The following ATRNL1 variants were observed in gnomAD, a reference collection of about 807,000 sequenced individuals.
ATRNL1 encodes attractin-like protein 1.
Under a neutral mutation model 182.7 loss-of-function variants are expected in ATRNL1, and 95 were observed. The observed-to-expected ratio is 0.52, with a 90% CI of 0.44 to 0.62. The LOEUF (loss-of-function observed/expected upper bound fraction) is 0.62, where lower values mean the gene tolerates loss of function less well. Ranked by LOEUF, ATRNL1 falls within the 20% of genes least tolerant of loss-of-function variation. ATRNL1 has a pLI of 0.00. For synonymous variants in ATRNL1, 576 were observed against 568.3 expected, an observed-to-expected ratio of 1.01 and a Z score of -0.19; for missense variants, 1,471 against 1,679.5, an observed-to-expected ratio of 0.88 and a Z score of 2.17.
rs148863242 is a variant in ATRNL1 at position 115,332,943 on chromosome 10, C to A, written c.3038-1339C>A. ...ATCTTAGAATCAGTCCTGAACACAG[C>A]AACTTCCACATAGCATTGTTTTGAA... is the stretch of plus-strand genomic sequence containing the variant. On this transcript the variant is annotated intron_variant, in intron 18 of 28. Coordinates refer to ENST00000355044, the MANE Select transcript of ATRNL1 (RefSeq NM_207303.4). Among the ~76,000 whole-genome samples the A allele has an allele frequency of 1.3e-3, 196 of 152,270 alleles. 1 individual carries two copies. Among genetic ancestry groups the A allele is most frequent in the African/African-American group, 4.5e-3 (189 of 41,558 alleles).
intron 26 of ATRNL1, among the ~76,000 whole-genome samples, chr10:115,561,690 G>GGGGTGTGTGT (rs1554999705): frequency 4.0e-5 from 2 of 50,506 alleles, no homozygotes; most frequent in Non-Finnish European, 8.8e-5. Context: ...TGTGTGTGTG[G>GGGGTGTGTGT]GTGTGTGTGT....
At chr10:115,880,242 T>C (rs1416982648) in intron 28 of ATRNL1, among the ~76,000 whole-genome samples, 2 of 152,118 alleles carry the variant, frequency 1.3e-5, no homozygotes, top group Non-Finnish European at 2.9e-5. Context: ...TCTGAGACAG[T>C]GGGGTCAACC....
intron 27 of ATRNL1, among the ~76,000 whole-genome samples, chr10:115,760,670 C>T (rs1306594871): frequency 6.6e-6 from 1 of 152,074 alleles, no homozygotes; most frequent in Non-Finnish European, 1.5e-5. Context: ...TTCTTATTAG[C>T]TATGAATAAA....
rs1271334517 is a variant in ATRNL1 at position 115,832,847 on chromosome 10, A to G, written c.3904-15030A>G. ...ACCTTTTATCTGATACTCACACCTGAATCCCCTGCCCCAGCTCTGACAAGA... is the reference window on the plus strand; with the variant it reads ...ACCTTTTATCTGATACTCACACCTGGATCCCCTGCCCCAGCTCTGACAAGA... On this transcript the variant is annotated intron_variant, in intron 27 of 28. Transcript: ENST00000355044. 2.6e-5 allele frequency among the ~76,000 whole-genome samples: 4 copies of G among 152,164 alleles called. No individual in the cohort carries two copies. The East Asian group carries it at 7.7e-4, about 29-fold the overall frequency.
At chr10:115,631,107 C>T (rs899271544) in intron 26 of ATRNL1, among the ~76,000 whole-genome samples, 5 of 151,682 alleles carry the variant, frequency 3.3e-5, no homozygotes, top group Middle Eastern at 3.2e-3. Context: ...TCAAATGGTA[C>T]AACGTTTCAT....
At chr10:115,626,780 C>T (rs1565225529) in intron 26 of ATRNL1, among the ~76,000 whole-genome samples, 1 of 152,014 alleles carries the variant, frequency 6.6e-6, no homozygotes, top group African/African-American at 2.4e-5. Flanking sequence ...TTTTCAAACT[C>T]AAGTTATTGT....
chr10:115,783,226 C>CCACA (rs56301408), intron 27 of ATRNL1, among the ~76,000 whole-genome samples: 1 of 150,044 alleles, frequency 6.7e-6, no homozygotes, highest in African/African-American at 2.5e-5. Context: ...CTATATGATG[C>CCACA]CACACACACA....
chr10:115,795,523 C>CAGTGTGTCTTTATA (rs1949631202), intron 27 of ATRNL1, among the ~76,000 whole-genome samples: 2 of 152,240 alleles, frequency 1.3e-5, no homozygotes, highest in Non-Finnish European at 1.5e-5. Flanking sequence ...AAAGACATAC[C>CAGTGTGTCTTTATA]TGAGACTGCG....
At chr10:115,838,877 A>C (rs2134331938) in intron 27 of ATRNL1, among the ~76,000 whole-genome samples, 1 of 152,276 alleles carries the variant, frequency 6.6e-6, no homozygotes, top group Non-Finnish European at 1.5e-5. Flanking sequence ...GTAATCCAGA[A>C]TGACTTATTC....
intron 5 of ATRNL1, among the ~76,000 whole-genome samples, chr10:115,144,871 G>C (rs549131594): frequency 6.6e-5 from 10 of 151,500 alleles, no homozygotes; most frequent in African/African-American, 2.4e-4. Context: ...GTTTGATTTA[G>C]TAAAATCTTC....
rs954818690 is a variant in ATRNL1, at chr10:115,777,267, G to T, written c.3903+49912G>T. On this transcript the variant is annotated intron_variant, in intron 27 of 28. Transcript: ENST00000355044. Reference sequence around the variant, plus strand: ...TTGACACCTAGTAAACATTCAAAAAGTACAAGGATTTTAAAATTGTTACTA... The same window carrying T: ...TTGACACCTAGTAAACATTCAAAAATTACAAGGATTTTAAAATTGTTACTA... 2.0e-5 allele frequency among the ~76,000 whole-genome samples: 3 copies of T among 152,010 alleles called. No homozygotes were observed. The South Asian group carries it at 6.2e-4, about 31-fold the overall frequency.
At chr10:115,191,658 T>C (rs1848173734) in intron 8 of ATRNL1, among the ~76,000 whole-genome samples, 1 of 152,140 alleles carries the variant, frequency 6.6e-6, no homozygotes, top group African/African-American at 2.4e-5. Context: ...GAGTGAGTTC[T>C]CATGAGATCT....
intron 25 of ATRNL1, among the ~76,000 whole-genome samples, chr10:115,526,031 G>T (rs530704800): frequency 2.8e-4 from 42 of 152,266 alleles, no homozygotes; most frequent in Admixed American, 4.6e-4. Flanking sequence ...GTGACAGTTT[G>T]TGAGGGGGCA....
intron 26 of ATRNL1, among the ~76,000 whole-genome samples, chr10:115,583,933 C>G (rs1855309467): frequency 6.6e-6 from 1 of 151,864 alleles, no homozygotes; most frequent in Non-Finnish European, 1.5e-5. Context: ...CCATCAATAC[C>G]TAATTTATTG....
At chr10:115,353,209 A>G (rs1429006416) in intron 19 of ATRNL1, among the ~76,000 whole-genome samples, 1 of 152,152 alleles carries the variant, frequency 6.6e-6, no homozygotes, top group Non-Finnish European at 1.5e-5. Flanking sequence ...CTTTCTCTTT[A>G]GGTCTAGTAA....
chr10:115,502,017 A>G (rs1291893575), intron 24 of ATRNL1, among the ~76,000 whole-genome samples: 1 of 152,158 alleles, frequency 6.6e-6, no homozygotes, highest in Non-Finnish European at 1.5e-5. Context: ...TTGGATTACA[A>G]AAGTTTTAAG....
chr10:115,380,078 C>T (rs1324286567), intron 19 of ATRNL1, among the ~76,000 whole-genome samples: 2 of 152,212 alleles, frequency 1.3e-5, no homozygotes, highest in Admixed American at 6.5e-5. Flanking sequence ...GATCCGCCCG[C>T]CTCAGCCTCC....
intron 6 of ATRNL1, among the ~76,000 whole-genome samples, chr10:115,164,552 ACAATAGC>A (rs1201570286): frequency 1.4e-4 from 21 of 152,300 alleles, no homozygotes; most frequent in African/African-American, 4.8e-4. Flanking sequence ...AGCACTATTT[ACAATAGC>A]CATAATATGG....
chr10:115,483,832 T>C (rs1433245436), intron 24 of ATRNL1, among the ~76,000 whole-genome samples: 1 of 151,678 alleles, frequency 6.6e-6, no homozygotes, highest in African/African-American at 2.4e-5. Context: ...AATAAACTTA[T>C]TGAAATATTC....
Sources: allele counts gnomAD v4.1 joint callset (sites outside exome capture counted in the v4.1 genomes callset), GRCh38; gene constraint gnomAD v4.1.1; transcripts MANE v1.5; gene names NCBI Gene and HGNC (gene_info 2026-07-23, HGNC 2026-07-21).